GRAMD1B: variants seen among roughly 807,000 people sequenced by gnomAD.
GRAMD1B encodes protein Aster-B.
GRAMD1B carries 37 observed loss-of-function variants against 99.7 expected under a neutral mutation model. The observed-to-expected ratio is 0.37, with a 90% CI of 0.29 to 0.49. The LOEUF is 0.49. Ranked by LOEUF, GRAMD1B falls within the 20% of genes least tolerant of loss-of-function variation. The pLI, the probability that GRAMD1B is intolerant of heterozygous loss-of-function variation, is 0.98. For synonymous variants in GRAMD1B, 427 were observed against 387.6 expected, an observed-to-expected ratio of 1.10 and a Z score of -1.19; for missense variants, 888 against 1,009.2, an observed-to-expected ratio of 0.88 and a Z score of 1.63.
intron 1 of GRAMD1B, among the ~76,000 whole-genome samples, chr11:123,372,538 T>C (rs1946562214): frequency 6.6e-6 from 1 of 152,024 alleles, no homozygotes; most frequent in Admixed American, 6.6e-5. Context: ...GACTCAGAGG[T>C]GGTGTGGAAT....
intron 1 of GRAMD1B, among the ~76,000 whole-genome samples, chr11:123,435,182 T>C (rs1263494524): frequency 6.6e-6 from 1 of 152,184 alleles, no homozygotes; most frequent in Non-Finnish European, 1.5e-5. Flanking sequence ...AAAATGGCTC[T>C]GCTCTGGCCT....
chr11:123,569,639 A>G (rs757358281), intron 2 of GRAMD1B, among the ~76,000 whole-genome samples: 4 of 152,224 alleles, frequency 2.6e-5, no homozygotes, highest in Non-Finnish European at 4.4e-5. Context: ...TCTCTCAGCC[A>G]CTTGAGCGTG....
chr11:123,374,338 C>T (rs879910199), intron 1 of GRAMD1B, among the ~76,000 whole-genome samples: 1 of 152,188 alleles, frequency 6.6e-6, no homozygotes, highest in Non-Finnish European at 1.5e-5. Flanking sequence ...ATAGACATTA[C>T]TACTTATAGC....
At chr11:123,561,697 C>T (rs929570490) in intron 2 of GRAMD1B, among the ~76,000 whole-genome samples, 4 of 152,218 alleles carry the variant, frequency 2.6e-5, no homozygotes, top group East Asian at 3.9e-4. Context: ...CACTGTGCTC[C>T]GGGGAGACCC....
At chr11:123,441,571 C>A (rs1271980982) in intron 1 of GRAMD1B, among the ~76,000 whole-genome samples, 7 of 151,734 alleles carry the variant, frequency 4.6e-5, no homozygotes, top group Admixed American at 3.3e-4. Flanking sequence ...TGCTTAGGCC[C>A]AGGAGTTTGA....
intron 1 of GRAMD1B, among the ~76,000 whole-genome samples, chr11:123,480,192 G>C (rs1238106982): frequency 6.6e-6 from 1 of 152,152 alleles, no homozygotes; most frequent in Non-Finnish European, 1.5e-5. Context: ...CTCACTTACA[G>C]TGCCTTAAGG....
At chr11:123,388,333 G>T (rs1947147490) in intron 1 of GRAMD1B, among the ~76,000 whole-genome samples, 3 of 151,910 alleles carry the variant, frequency 2.0e-5, no homozygotes, top group African/African-American at 4.8e-5. Context: ...AGGTGATTAG[G>T]TCATAAGAAG....
intron 2 of GRAMD1B, among the ~76,000 whole-genome samples, chr11:123,575,510 A>G (rs2136207277): frequency 2.0e-5 from 3 of 152,302 alleles, no homozygotes; most frequent in Middle Eastern, 6.8e-3. Context: ...GCAAACTATT[A>G]TAGTTGGGAC....
intron 1 of GRAMD1B, among the ~76,000 whole-genome samples, chr11:123,365,431 T>C (rs908288428): frequency 1.3e-5 from 2 of 152,158 alleles, no homozygotes; most frequent in African/African-American, 4.8e-5. Context: ...TTTGTATTTT[T>C]AGTAGAGACG....
intron 2 of GRAMD1B, among the ~76,000 whole-genome samples, chr11:123,546,993 C>T (rs1456445861): frequency 2.0e-5 from 3 of 152,152 alleles, no homozygotes; most frequent in Non-Finnish European, 4.4e-5. Flanking sequence ...GTCAACCTGT[C>T]TTGAGAGAAG....
chr11:123,442,626 C>T (rs1178354474), intron 1 of GRAMD1B, among the ~76,000 whole-genome samples: 1 of 152,088 alleles, frequency 6.6e-6, no homozygotes, highest in Non-Finnish European at 1.5e-5. Context: ...AAAAATTAGC[C>T]AAGTGTGGTG....
At chr11:123,395,268 CT>C (rs1947419392) in intron 1 of GRAMD1B, among the ~76,000 whole-genome samples, 1 of 151,464 alleles carries the variant, frequency 6.6e-6, no homozygotes, top group Admixed American at 6.6e-5. Flanking sequence ...GGAAAGGCTT[CT>C]TTATTAAAAG....
At chr11:123,518,138 T>C (rs1941854452) in intron 2 of GRAMD1B, among the ~76,000 whole-genome samples, 1 of 152,190 alleles carries the variant, frequency 6.6e-6, no homozygotes, top group Non-Finnish European at 1.5e-5. Context: ...CTCTGAGGTG[T>C]GTGCATCTTT....
intron 15 of GRAMD1B, 86 bp from the exon 16 acceptor site, chr11:123,613,369 G>C: frequency 3.9e-6 from 4 of 1,026,864 alleles, no homozygotes; most frequent in Non-Finnish European, 5.8e-6. Flanking sequence ...CAACTTCCCA[G>C]AATACAGAAT....
In GRAMD1B at chr11:123,513,271, C is replaced by T. The variant is rs370608769; in HGVS notation, c.452+32378C>T. Among the ~76,000 whole-genome samples the T allele has an allele frequency of 1.1e-4, 16 of 152,204 alleles. 1 individual carries two copies. In the East Asian group the frequency reaches 1.9e-3, roughly 18 times the overall value. Reference sequence around the variant, plus strand: ...TGTGGTCAGTCTTATGACAACATTCCCTATTAGACTCTTTTCAGTTCCTGG... The same window carrying T: ...TGTGGTCAGTCTTATGACAACATTCTCTATTAGACTCTTTTCAGTTCCTGG... On this transcript the variant is annotated intron_variant, in intron 2 of 19. Coordinates refer to ENST00000635736, the MANE Select transcript of GRAMD1B (RefSeq NM_001387025.1).
intron 2 of GRAMD1B, among the ~76,000 whole-genome samples, chr11:123,566,626 C>A (rs922649969): frequency 6.6e-6 from 1 of 152,102 alleles, no homozygotes; most frequent in African/African-American, 2.4e-5. Flanking sequence ...ATTAGCCACG[C>A]GTGGTGGCGG....
Position 123,462,696 on chromosome 11 carries a change from G to A in GRAMD1B, c.375-18120G>A, listed in dbSNP as rs569823181. On this transcript the variant is annotated intron_variant, in intron 1 of 19. Coordinates refer to ENST00000635736, the MANE Select transcript of GRAMD1B (RefSeq NM_001387025.1). The stretch of plus-strand genomic sequence containing the variant: ...TGCTTGAAGGCAGCATGCTCGTTAA[G>A]AGTCATCACCAATCCCTAATCTCAA... 3.9e-5 allele frequency among the ~76,000 whole-genome samples: 6 copies of A among 152,202 alleles called. No individual in the cohort carries two copies. The South Asian group carries it at 1.2e-3, about 32-fold the overall frequency.
intron 17 of GRAMD1B, among the ~76,000 whole-genome samples, chr11:123,615,387 A>G (rs945825558): frequency 6.6e-6 from 1 of 152,264 alleles, no homozygotes; most frequent in Non-Finnish European, 1.5e-5. Flanking sequence ...AGTAACTTGC[A>G]TAGAAAGATG....
chr11:123,614,647 C>T, intron 16 of GRAMD1B, 98 bp from the exon 17 acceptor site: 2 of 658,306 alleles, frequency 3.0e-6, no homozygotes, highest in East Asian at 2.7e-5. Context: ...GACATTTTTC[C>T]ATCAGTCTCT....
Sources: gnomAD v4.1 joint callset for allele counts (sites outside exome capture counted in the v4.1 genomes callset) on GRCh38, gnomAD v4.1.1 for gene constraint, MANE v1.5 for transcripts, NCBI Gene and HGNC (gene_info 2026-07-23, HGNC 2026-07-21) for gene names.